Variants in CTNNA2 observed in about 807,000 individuals in gnomAD.
CTNNA2 encodes the protein catenin alpha 2, also known as catenin alpha-2.
CTNNA2 carries 42 observed loss-of-function variants against 101.0 expected under a neutral mutation model. The ratio of observed to expected loss-of-function variants is 0.42; its 90% CI spans 0.32 to 0.54. The LOEUF (loss-of-function observed/expected upper bound fraction) is 0.54, where lower values mean the gene tolerates loss of function less well. Ranked by LOEUF, CTNNA2 falls within the 20% of genes least tolerant of loss-of-function variation. CTNNA2 has a pLI of 0.14. For synonymous variants in CTNNA2, 450 were observed against 456.4 expected (o/e 0.99, Z 0.18); for missense variants, 871 against 1,223.1 (o/e 0.71, Z 4.29).
intron 9 of CTNNA2, among the ~76,000 whole-genome samples, chr2:80,526,553 A>C (rs1236452718): frequency 6.6e-6 from 1 of 151,432 alleles, no homozygotes; most frequent in Non-Finnish European, 1.5e-5. Context: ...GGCTGGTCTC[A>C]AACTCCTGAC....
chr2:79,234,115 G>A (rs1017927939), intron 2 of CTNNA2, among the ~76,000 whole-genome samples: 6 of 151,396 alleles, frequency 4.0e-5, no homozygotes, highest in African/African-American at 1.5e-4. Flanking sequence ...AGACTTGATG[G>A]TGTAGTTTCT....
chr2:80,231,617 C>A (rs1208343817), intron 7 of CTNNA2, among the ~76,000 whole-genome samples: 1 of 152,126 alleles, frequency 6.6e-6, no homozygotes, highest in African/African-American at 2.4e-5. Flanking sequence ...AGGTTAGACA[C>A]AATTGACCAA....
chr2:80,601,532 TCTC>T, intron 15 of CTNNA2: 1 of 151,404 alleles, frequency 6.6e-6, no homozygotes, highest in East Asian at 1.9e-4. Flanking sequence ...TAATTTATAT[TCTC>T]CTAGAAACTT....
intron 6 of CTNNA2, among the ~76,000 whole-genome samples, chr2:79,906,010 G>T (rs920199550): frequency 6.6e-6 from 1 of 151,330 alleles, no homozygotes; most frequent in African/African-American, 2.4e-5. Flanking sequence ...TTATTTTCTC[G>T]CTTGTTGGAG....
At chr2:79,707,698 C>T (rs80254200) in intron 2 of CTNNA2, among the ~76,000 whole-genome samples, 130 of 152,330 alleles carry the variant, frequency 8.5e-4, no homozygotes, top group African/African-American at 2.7e-3. Context: ...CATGCTTTGT[C>T]TACACATTAC....
At chr2:80,505,095 A>G (rs1170429184) in intron 9 of CTNNA2, among the ~76,000 whole-genome samples, 1 of 152,156 alleles carries the variant, frequency 6.6e-6, no homozygotes, top group Non-Finnish European at 1.5e-5. Context: ...CCCAAGCTAA[A>G]AAGGGAGCAT....
At chr2:79,753,533 C>T (rs923955033) in intron 3 of CTNNA2, among the ~76,000 whole-genome samples, 20 of 152,194 alleles carry the variant, frequency 1.3e-4, no homozygotes, top group African/African-American at 4.3e-4. Context: ...TTCCTGCCTT[C>T]GTTCGACAAC....
At chr2:79,471,533 C>A (rs995968154) in intron 4 of CTNNA2, among the ~76,000 whole-genome samples, 1 of 152,076 alleles carries the variant, frequency 6.6e-6, no homozygotes, top group Non-Finnish European at 1.5e-5. Flanking sequence ...ACCATCACAT[C>A]GGAGGTTAAG....
intron 1 of CTNNA2, among the ~76,000 whole-genome samples, chr2:79,641,513 A>T: frequency 6.6e-6 from 1 of 152,186 alleles, no homozygotes; most frequent in East Asian, 1.9e-4. Flanking sequence ...CTACTGTCCA[A>T]ATCTGAATTG....
intron 3 of CTNNA2, among the ~76,000 whole-genome samples, chr2:79,838,331 G>A (rs1319833221): frequency 1.3e-5 from 2 of 152,068 alleles, no homozygotes; most frequent in Non-Finnish European, 2.9e-5. Context: ...AAAGTATGCT[G>A]GCCATGGAAG....
At chr2:79,821,576 A>G (rs1678008220) in intron 3 of CTNNA2, among the ~76,000 whole-genome samples, 1 of 152,340 alleles carries the variant, frequency 6.6e-6, no homozygotes, top group African/African-American at 2.4e-5. Context: ...TTGAATGCAT[A>G]AAATTAGTTG....
intron 2 of CTNNA2, among the ~76,000 whole-genome samples, chr2:79,285,848 G>A (rs1489991313): frequency 6.8e-6 from 1 of 147,444 alleles, no homozygotes; most frequent in Non-Finnish European, 1.5e-5. Context: ...AATGTTGACA[G>A]TGGGGTGTTA....
chr2:79,255,238 G>A (rs2104278168), intron 2 of CTNNA2, among the ~76,000 whole-genome samples: 1 of 152,146 alleles, frequency 6.6e-6, no homozygotes, highest in East Asian at 1.9e-4. Flanking sequence ...CAATGAATAA[G>A]ATTCAGCTAA....
At chr2:79,737,101 T>A (rs13019356) in intron 2 of CTNNA2, among the ~76,000 whole-genome samples, 32,987 of 151,980 alleles carry the variant, frequency 0.22, 3,669 homozygotes, top group Non-Finnish European at 0.25. Flanking sequence ...TAATCCCAGC[T>A]CTTTGGGAGG....
At chr2:79,931,001 TG>T (rs1687402166) in intron 7 of CTNNA2, among the ~76,000 whole-genome samples, 1 of 152,092 alleles carries the variant, frequency 6.6e-6, no homozygotes, top group Non-Finnish European at 1.5e-5. Flanking sequence ...ACTTGTTAAC[TG>T]TAAAAATAAT....
intron 7 of CTNNA2, among the ~76,000 whole-genome samples, chr2:80,234,572 T>C (rs1709442901): frequency 6.6e-6 from 1 of 151,638 alleles, no homozygotes; most frequent in Admixed American, 6.6e-5. Context: ...CTATCAAGAG[T>C]TTTTCGGCTG....
At chr2:80,104,566 CTT>C (rs1354276981) in intron 7 of CTNNA2, among the ~76,000 whole-genome samples, 1 of 152,196 alleles carries the variant, frequency 6.6e-6, no homozygotes, top group Non-Finnish European at 1.5e-5. Flanking sequence ...TGAGGAATAT[CTT>C]TGCTTTGTTC....
At chr2:79,707,439 C>T (rs1391161367) in intron 2 of CTNNA2, among the ~76,000 whole-genome samples, 1 of 152,136 alleles carries the variant, frequency 6.6e-6, no homozygotes, top group Non-Finnish European at 1.5e-5. Flanking sequence ...AACCTCTCAC[C>T]CACCTCGCTA....
intron 7 of CTNNA2, among the ~76,000 whole-genome samples, chr2:80,217,205 A>T (rs1292792743): frequency 2.6e-5 from 4 of 152,200 alleles, no homozygotes; most frequent in Non-Finnish European, 5.9e-5. Flanking sequence ...TTTTGAAGCA[A>T]ACACTACAGG....
Sources: allele counts gnomAD v4.1 joint callset (sites outside exome capture counted in the v4.1 genomes callset), GRCh38; gene constraint gnomAD v4.1.1; transcripts MANE v1.5; gene names NCBI Gene and HGNC (gene_info 2026-07-23, HGNC 2026-07-21).